Variants in DPP10 observed in about 807,000 individuals in gnomAD.
DPP10 encodes dipeptidyl peptidase like 10, also known as inactive dipeptidyl peptidase 10.
Under a neutral mutation model 120.9 loss-of-function variants are expected in DPP10, and 33 were observed. The observed-to-expected ratio is 0.27, with a 90% CI of 0.21 to 0.37. The LOEUF is 0.37. DPP10 is among the 10% of genes least tolerant of loss of function. The pLI is 1.00. For synonymous variants in DPP10, 337 were observed against 326.1 expected, an observed-to-expected ratio of 1.03 and a Z score of -0.36; for missense variants, 816 against 942.8, an observed-to-expected ratio of 0.87 and a Z score of 1.76.
intron 1 of DPP10, among the ~76,000 whole-genome samples, chr2:114,995,039 A>C (rs1574654566): frequency 6.6e-6 from 1 of 152,166 alleles, no homozygotes; most frequent in African/African-American, 2.4e-5. Flanking sequence ...CACTTTAGCC[A>C]GTGGGATGTT....
At chr2:115,516,969 G>T (rs758292605) in intron 4 of DPP10, among the ~76,000 whole-genome samples, 2 of 152,112 alleles carry the variant, frequency 1.3e-5, no homozygotes, top group African/African-American at 4.8e-5. Context: ...ATGTTACCAT[G>T]TATTGGAAAG....
At chr2:114,865,046 A>G (rs2106542911) in intron 1 of DPP10, among the ~76,000 whole-genome samples, 1 of 152,350 alleles carries the variant, frequency 6.6e-6, no homozygotes, top group Admixed American at 6.5e-5. Context: ...AAAAGTGGGG[A>G]TGGGCACGTT....
At chr2:114,705,486 A>G (rs10190695) in intron 1 of DPP10, among the ~76,000 whole-genome samples, 73,252 of 151,866 alleles carry the variant, frequency 0.48, 17,889 homozygotes, top group South Asian at 0.6. Flanking sequence ...TAACTTTTCC[A>G]TAAAGAATTT....
At chr2:115,540,370 A>G (rs1558821203) in intron 5 of DPP10, among the ~76,000 whole-genome samples, 1 of 151,866 alleles carries the variant, frequency 6.6e-6, no homozygotes, top group Admixed American at 6.6e-5. Flanking sequence ...TCTGTGAGGT[A>G]AATCCAACAC....
At chr2:114,454,472 T>C (rs760103068) in intron 1 of DPP10, among the ~76,000 whole-genome samples, 11 of 152,208 alleles carry the variant, frequency 7.2e-5, no homozygotes, top group Admixed American at 2.0e-4. Context: ...AAAACTGAGC[T>C]GACTGCTCAT....
chr2:115,482,119 T>C (rs1003600746), intron 3 of DPP10, among the ~76,000 whole-genome samples: 2 of 152,064 alleles, frequency 1.3e-5, no homozygotes, highest in East Asian at 1.9e-4. Context: ...TTTGAAACTT[T>C]TGTCATCTCA....
chr2:114,455,100 A>T (rs909241637), intron 1 of DPP10, among the ~76,000 whole-genome samples: 3 of 151,524 alleles, frequency 2.0e-5, no homozygotes, highest in Non-Finnish European at 4.4e-5. Flanking sequence ...AGACGATATC[A>T]CTATGAGAAA....
chr2:115,119,392 T>A (rs1241430328), intron 1 of DPP10, among the ~76,000 whole-genome samples: 1 of 152,194 alleles, frequency 6.6e-6, no homozygotes, highest in Non-Finnish European at 1.5e-5. Flanking sequence ...CTGTGGCCAA[T>A]TATTGTTTTA....
rs570602182 is a variant in DPP10, at chr2:115,084,063, T to C, written c.61-225176T>C. ...TAGGGGCTATACCTTTGTGATCCTG[T>C]CAAACCTATATGACATCCTATCAAT... On this transcript the variant is annotated intron_variant, in intron 1 of 25. Transcript: ENST00000410059. 3.3e-5 allele frequency among the ~76,000 whole-genome samples: 5 copies of C among 152,304 alleles called. No homozygotes were observed. In the South Asian group the frequency reaches 1.0e-3, roughly 32 times the overall value.
At chr2:115,600,686 C>T (rs1342552959) in intron 5 of DPP10, among the ~76,000 whole-genome samples, 1 of 152,182 alleles carries the variant, frequency 6.6e-6, no homozygotes, top group African/African-American at 2.4e-5. Context: ...TAAGAGATGG[C>T]ACCTTTGAAG....
chr2:115,284,682 T>C (rs914528676), intron 1 of DPP10, among the ~76,000 whole-genome samples: 4 of 151,840 alleles, frequency 2.6e-5, no homozygotes, highest in African/African-American at 9.7e-5. Context: ...TTGGGTGCAG[T>C]GAGGGGAAAA....
At chr2:115,664,262 C>CA (rs2089260143) in intron 5 of DPP10, among the ~76,000 whole-genome samples, 2 of 151,000 alleles carry the variant, frequency 1.3e-5, no homozygotes, top group Non-Finnish European at 1.5e-5. Flanking sequence ...ACATAAGGTA[C>CA]CAAAAAAGTA....
chr2:115,007,184 T>G (rs551435787), intron 1 of DPP10, among the ~76,000 whole-genome samples: 31 of 152,230 alleles, frequency 2.0e-4, no homozygotes, highest in African/African-American at 7.5e-4. Context: ...AATAAAATAC[T>G]GGCAAACCGA....
At chr2:115,086,696 C>A (rs960052354) in intron 1 of DPP10, among the ~76,000 whole-genome samples, 3 of 152,026 alleles carry the variant, frequency 2.0e-5, no homozygotes, top group East Asian at 1.9e-4. Flanking sequence ...GACCTCATGA[C>A]CTGCTCGCCT....
intron 5 of DPP10, among the ~76,000 whole-genome samples, chr2:115,552,756 C>A (rs1384993717): frequency 2.0e-5 from 3 of 152,162 alleles, no homozygotes; most frequent in Non-Finnish European, 2.9e-5. Flanking sequence ...AAAAACCTTA[C>A]TCAGAAACCT....
chr2:114,903,078 C>A (rs1693707901), intron 1 of DPP10, among the ~76,000 whole-genome samples: 1 of 152,206 alleles, frequency 6.6e-6, no homozygotes, highest in South Asian at 2.1e-4. Context: ...TGGCTTCTTT[C>A]ATGTAGTAAT....
chr2:115,315,017 G>A (rs2061725354), intron 2 of DPP10, among the ~76,000 whole-genome samples: 1 of 152,068 alleles, frequency 6.6e-6, no homozygotes, highest in Non-Finnish European at 1.5e-5. Context: ...CACAGCTAGG[G>A]CCAATAGATT....
chr2:115,090,284 C>G (rs1427871109), intron 1 of DPP10, among the ~76,000 whole-genome samples: 1 of 152,158 alleles, frequency 6.6e-6, no homozygotes, highest in Non-Finnish European at 1.5e-5. Context: ...CTGGACAAGG[C>G]TCTGTGCATA....
At chr2:115,498,090 C>G (rs554888505) in intron 3 of DPP10, among the ~76,000 whole-genome samples, 8 of 152,088 alleles carry the variant, frequency 5.3e-5, no homozygotes, top group African/African-American at 1.9e-4. Context: ...TCTTTATCTC[C>G]TTACTTTCCT....
Sources: gnomAD v4.1 joint callset for allele counts (sites outside exome capture counted in the v4.1 genomes callset) on GRCh38, gnomAD v4.1.1 for gene constraint, MANE v1.5 for transcripts, NCBI Gene and HGNC (gene_info 2026-07-23, HGNC 2026-07-21) for gene names.